HYCC2: variants seen among roughly 807,000 people sequenced by gnomAD.
HYCC2 encodes hyccin PI4KA lipid kinase complex subunit 2.
chr2:201,068,632 A>G, the HYCC2 span, among the ~76,000 whole-genome samples: 3 of 152,190 alleles, frequency 2.0e-5, no homozygotes, highest in Non-Finnish European at 2.9e-5. Context: ...TGAGGTATCT[A>G]TTTCCAACTC....
the HYCC2 span, among the ~76,000 whole-genome samples, chr2:201,064,713 TATC>T: frequency 2.6e-4 from 40 of 152,260 alleles, no homozygotes; most frequent in African/African-American, 9.2e-4. Context: ...GAAGCTTGTG[TATC>T]ATCCATTATC....
chr2:201,022,481 A>G, the HYCC2 span: 1 of 222,752 alleles, frequency 4.5e-6, no homozygotes, highest in Non-Finnish European at 9.1e-6. Context: ...AAAATACTTA[A>G]GATAAATAAA....
At chr2:201,005,223 A>C in the HYCC2 span, among the ~76,000 whole-genome samples, 1 of 152,106 alleles carries the variant, frequency 6.6e-6, no homozygotes, top group South Asian at 2.1e-4. Flanking sequence ...CTGTGTACTT[A>C]ACCTGAGCGG....
chr2:201,050,110 C>G, the HYCC2 span, among the ~76,000 whole-genome samples: 151 of 151,666 alleles, frequency 1.0e-3, no homozygotes, highest in African/African-American at 3.3e-3. Flanking sequence ...TACTCAAGAG[C>G]CTGTGAGGTG....
chr2:201,046,161 A>G, the HYCC2 span, among the ~76,000 whole-genome samples: 1 of 152,320 alleles, frequency 6.6e-6, no homozygotes, highest in Non-Finnish European at 1.5e-5. Flanking sequence ...TGGCAGAAAA[A>G]CACATTAAAA....
the HYCC2 span, among the ~76,000 whole-genome samples, chr2:201,008,789 T>C: frequency 3.3e-5 from 5 of 152,138 alleles, no homozygotes; most frequent in African/African-American, 4.8e-5. Context: ...TCCTAGCTAC[T>C]TGGAAAGCTG....
chr2:201,056,188 C>T, the HYCC2 span, among the ~76,000 whole-genome samples: 4 of 148,014 alleles, frequency 2.7e-5, no homozygotes, highest in African/African-American at 1.0e-4. Context: ...TGCGAGACTC[C>T]GTCTCAAAAA....
the HYCC2 span, chr2:200,996,028 C>CTTT: frequency 9.8e-4 from 113 of 115,458 alleles, 1 homozygote; most frequent in East Asian, 1.5e-3. Context: ...TTTCTTTTTT[C>CTTT]TTTTTTTTTT....
the HYCC2 span, chr2:200,997,513 C>T: frequency 6.2e-7 from 1 of 1,613,320 alleles, no homozygotes; most frequent in Non-Finnish European, 8.5e-7. Flanking sequence ...AATTATAACA[C>T]AGCATGAGAA....
the HYCC2 span, among the ~76,000 whole-genome samples, chr2:201,052,966 G>A: frequency 6.6e-6 from 1 of 152,158 alleles, no homozygotes; most frequent in African/African-American, 2.4e-5. Flanking sequence ...AAAGATTAGA[G>A]GTAGCAGTGT....
At chr2:201,062,061 C>G in the HYCC2 span, among the ~76,000 whole-genome samples, 3 of 152,108 alleles carry the variant, frequency 2.0e-5, no homozygotes, top group South Asian at 6.2e-4. Context: ...ACCACGATCA[C>G]ACAACTGCAC....
the HYCC2 span, among the ~76,000 whole-genome samples, chr2:201,017,385 A>G: frequency 1.3e-5 from 2 of 152,180 alleles, no homozygotes; most frequent in South Asian, 4.1e-4. Context: ...CCATACATCA[A>G]TGTACCTTTC....
chr2:201,005,749 C>G, the HYCC2 span, among the ~76,000 whole-genome samples: 9 of 152,140 alleles, frequency 5.9e-5, no homozygotes, highest in Admixed American at 1.3e-4. Flanking sequence ...TAACCTCTCT[C>G]CAAGGTAGAA....
the HYCC2 span, among the ~76,000 whole-genome samples, chr2:201,038,705 C>T: frequency 7.9e-5 from 12 of 151,430 alleles, no homozygotes; most frequent in Non-Finnish European, 1.5e-4. Flanking sequence ...GAAAACACAT[C>T]GACACAGGAA....
At chr2:200,977,353 T>C in the HYCC2 span, 1 of 152,168 alleles carries the variant, frequency 6.6e-6, no homozygotes. Context: ...TCTGAGCCTC[T>C]GTTTCTTGAG....
chr2:201,007,041 T>C, the HYCC2 span, among the ~76,000 whole-genome samples: 2 of 152,210 alleles, frequency 1.3e-5, no homozygotes, highest in Non-Finnish European at 2.9e-5. Context: ...TTTAAATCTA[T>C]CTGTAACCTA....
the HYCC2 span, chr2:201,063,077 C>T: frequency 6.2e-7 from 1 of 1,608,656 alleles, no homozygotes; most frequent in Non-Finnish European, 8.5e-7. Flanking sequence ...AGTCTCTCTT[C>T]ACCCTGCCGT....
the HYCC2 span, among the ~76,000 whole-genome samples, chr2:201,060,587 C>G: frequency 2.0e-5 from 3 of 152,178 alleles, no homozygotes; most frequent in Non-Finnish European, 4.4e-5. Flanking sequence ...ACAGAAGCAG[C>G]CTGTGCCCTT....
chr2:200,982,924 A>AT, the HYCC2 span, among the ~76,000 whole-genome samples: 1 of 151,940 alleles, frequency 6.6e-6, no homozygotes, highest in African/African-American at 2.4e-5. Context: ...CGCCCAGCTA[A>AT]TTTTTGTATT....
Sources: allele counts gnomAD v4.1 joint callset (sites outside exome capture counted in the v4.1 genomes callset), GRCh38; gene constraint gnomAD v4.1.1; transcripts MANE v1.5; gene names NCBI Gene and HGNC (gene_info 2026-07-23, HGNC 2026-07-21).